Variants in MSI2 observed in about 807,000 individuals in gnomAD.
The protein encoded by MSI2 is RNA-binding protein Musashi homolog 2.
MSI2 carries 17 observed loss-of-function variants against 45.6 expected under a neutral mutation model. That is an observed-to-expected ratio of 0.37 (90% CI 0.26 to 0.56). The LOEUF (loss-of-function observed/expected upper bound fraction) is 0.56. Ranked by LOEUF, MSI2 falls within the 20% of genes least tolerant of loss-of-function variation. MSI2 has a pLI of 0.77. For synonymous variants in MSI2, 156 were observed against 158.2 expected, an observed-to-expected ratio of 0.99 and a Z score of 0.11; for missense variants, 293 against 444.2, an observed-to-expected ratio of 0.66 and a Z score of 3.06.
intron 7 of MSI2, among the ~76,000 whole-genome samples, chr17:57,543,601 T>C (rs1019366858): frequency 4.6e-5 from 7 of 152,230 alleles, no homozygotes; most frequent in African/African-American, 9.6e-5. Context: ...TTAAGTTGAT[T>C]CATTTGCTCT....
rs1343406381 is a variant in MSI2, at chr17:57,510,466, C to T, written c.406-19210C>T. Among the ~76,000 whole-genome samples, 15 of 151,516 alleles carry T rather than the reference C, an allele frequency of 9.9e-5. No individual in the cohort carries two copies. In the South Asian group the frequency reaches 2.3e-3, roughly 23 times the overall value. ...TCTGGAGACAGAGTTTTGCTCTTGT[C>T]GCCCAAGCTGGAGTGCAATGGCACG... is the stretch of plus-strand genomic sequence containing the variant. On this transcript the variant is annotated intron_variant, in intron 6 of 13. Coordinates refer to ENST00000284073, the MANE Select transcript of MSI2 (RefSeq NM_138962.4).
rs1053330473 is a variant in MSI2 at position 57,419,449 on chromosome 17, G to A, written c.405+17978G>A. On this transcript the variant is annotated intron_variant, in intron 6 of 13. Transcript: ENST00000284073. ...TCAGTCTCAGCTCACTGCAACCTCC[G>A]CCTCCCAGGTTCAAGCGATTCTCCT... Among the ~76,000 whole-genome samples, 31 of 151,298 alleles carry A rather than the reference G, an allele frequency of 2.0e-4. 1 individual carries two copies. Among genetic ancestry groups the A allele is most frequent in the Admixed American group, 1.8e-3 (28 of 15,180 alleles).
At chr17:57,410,580 G>C (rs2084177011) in intron 6 of MSI2, among the ~76,000 whole-genome samples, 1 of 121,382 alleles carries the variant, frequency 8.2e-6, no homozygotes, top group Admixed American at 9.7e-5. Flanking sequence ...GCAAAATAAG[G>C]ATTTAATTAA....
intron 5 of MSI2, among the ~76,000 whole-genome samples, chr17:57,342,287 G>T (rs1915237493): frequency 6.6e-6 from 1 of 152,198 alleles, no homozygotes; most frequent in African/African-American, 2.4e-5. Context: ...CAGGAGGATG[G>T]GTAGTGAGAG....
intron 8 of MSI2, among the ~76,000 whole-genome samples, chr17:57,608,843 G>T (rs1001646684): frequency 7.2e-5 from 11 of 152,196 alleles, no homozygotes; most frequent in African/African-American, 2.7e-4. Context: ...CCCGAATCTT[G>T]ATTATAAACC....
rs117196330 is a variant in MSI2, at chr17:57,462,111, C to T, written c.405+60640C>T. Among the ~76,000 whole-genome samples, 315 of 152,326 alleles carry T rather than the reference C, an allele frequency of 2.1e-3. 3 individuals are homozygous for T. Among genetic ancestry groups the T allele is most frequent in the African/African-American group, 7.2e-3 (300 of 41,558 alleles). ...CTCTCCCCTTGCCTCTGGTGGCTTG[C>T]GGGCAGTCTTTGGCATTACTTGGCT... On this transcript the variant is annotated intron_variant, in intron 6 of 13. Transcript: ENST00000284073.
At chr17:57,293,804 C>T (rs534814731) in intron 5 of MSI2, among the ~76,000 whole-genome samples, 17 of 151,622 alleles carry the variant, frequency 1.1e-4, no homozygotes, top group Middle Eastern at 3.4e-3. Context: ...GATGGGGTTT[C>T]TCCATGTTGG....
intron 6 of MSI2, among the ~76,000 whole-genome samples, chr17:57,426,519 G>A (rs1322644349): frequency 2.6e-5 from 4 of 152,204 alleles, no homozygotes; most frequent in Non-Finnish European, 5.9e-5. Context: ...TTTAGCATTA[G>A]GAGGTCTCTG....
At chr17:57,356,424 GCCAAAAGCACTCTTAGCAAT>G (rs972389602) in intron 5 of MSI2, among the ~76,000 whole-genome samples, 1 of 152,150 alleles carries the variant, frequency 6.6e-6, no homozygotes, top group Admixed American at 6.5e-5. Flanking sequence ...TTGTCTGTCA[GCCAAAAGCACTCTTAGCAAT>G]CCGACATAGA....
chr17:57,625,294 TA>T (rs1026284585), intron 9 of MSI2, among the ~76,000 whole-genome samples: 7 of 152,316 alleles, frequency 4.6e-5, no homozygotes, highest in Admixed American at 1.3e-4. Context: ...GTTTCTGCTC[TA>T]GGTCTGGTGG....
intron 10 of MSI2, among the ~76,000 whole-genome samples, chr17:57,634,828 C>A (rs1259094587): frequency 6.6e-6 from 1 of 152,204 alleles, no homozygotes; most frequent in Non-Finnish European, 1.5e-5. Context: ...GCATAAGACT[C>A]CACCTCATAG....
chr17:57,665,130 C>T (rs956512673), intron 11 of MSI2, among the ~76,000 whole-genome samples: 1 of 152,196 alleles, frequency 6.6e-6, no homozygotes, highest in African/African-American at 2.4e-5. Flanking sequence ...GTGGAGCCCA[C>T]GGCTCTCCAG....
At chr17:57,369,358 A>T (rs1381310892) in intron 5 of MSI2, among the ~76,000 whole-genome samples, 4 of 152,200 alleles carry the variant, frequency 2.6e-5, no homozygotes, top group African/African-American at 9.6e-5. Flanking sequence ...AGCCAGTTGT[A>T]GCTCGGGGAC....
At chr17:57,635,410 C>T (rs1909761125) in intron 10 of MSI2, among the ~76,000 whole-genome samples, 1 of 152,262 alleles carries the variant, frequency 6.6e-6, no homozygotes, top group Admixed American at 6.5e-5. Flanking sequence ...CTCCTCTCCA[C>T]CTCATCCTCT....
intron 8 of MSI2, among the ~76,000 whole-genome samples, chr17:57,610,029 G>A (rs1907073211): frequency 6.6e-6 from 1 of 152,170 alleles, no homozygotes; most frequent in Non-Finnish European, 1.5e-5. Context: ...GGGTCCGCTG[G>A]CAAAACAAGC....
At chr17:57,313,208 T>C (rs1294668844) in intron 5 of MSI2, among the ~76,000 whole-genome samples, 1 of 152,190 alleles carries the variant, frequency 6.6e-6, no homozygotes, top group East Asian at 1.9e-4. Flanking sequence ...CAGCTAAGTT[T>C]AAACCCAGTG....
At chr17:57,374,136 C>G (rs2083459327) in intron 5 of MSI2, among the ~76,000 whole-genome samples, 1 of 152,148 alleles carries the variant, frequency 6.6e-6, no homozygotes, top group Non-Finnish European at 1.5e-5. Flanking sequence ...AGAGAATTGT[C>G]CAGAATTTAA....
At chr17:57,403,933 G>GTGCGCA (rs397743101) in intron 6 of MSI2, among the ~76,000 whole-genome samples, 1 of 149,082 alleles carries the variant, frequency 6.7e-6, no homozygotes, top group African/African-American at 2.5e-5. Context: ...GAATGAATGT[G>GTGCGCA]CACACACACA....
intron 9 of MSI2, among the ~76,000 whole-genome samples, chr17:57,620,447 C>T (rs1395320270): frequency 6.6e-6 from 1 of 152,202 alleles, no homozygotes; most frequent in Non-Finnish European, 1.5e-5. Flanking sequence ...ATCCCACTTT[C>T]AGAGAAGTTA....
Sources: allele counts gnomAD v4.1 joint callset (sites outside exome capture counted in the v4.1 genomes callset), GRCh38; gene constraint gnomAD v4.1.1; transcripts MANE v1.5; gene names NCBI Gene and HGNC (gene_info 2026-07-23, HGNC 2026-07-21).